The following PDK3 variants were observed in gnomAD, a reference collection of about 807,000 sequenced individuals.
PDK3 encodes the protein pyruvate dehydrogenase kinase 3.
A neutral mutation model predicts 32.0 loss-of-function variants in PDK3; 12 were observed. The ratio of observed to expected loss-of-function variants is 0.37; its 90% CI spans 0.24 to 0.61. The LOEUF (loss-of-function observed/expected upper bound fraction) is 0.61. Ranked by LOEUF, PDK3 falls within the 20% of genes least tolerant of loss-of-function variation. PDK3 has a pLI of 0.65. For synonymous variants in PDK3, 122 were observed against 116.3 expected (o/e 1.05, Z -0.31); for missense variants, 188 against 316.9 (o/e 0.59, Z 3.09).
intron 1 of PDK3, among the ~76,000 whole-genome samples, chrX:24,466,786 T>C (rs953104751): frequency 2.7e-5 from 3 of 112,034 alleles, no homozygotes; most frequent in Admixed American, 9.4e-5. Flanking sequence ...TCCCAAAAGC[T>C]ATTGGTAGTT....
exon 12 of PDK3, chrX:24,546,202 T>A (rs1922993339): frequency 8.9e-6 from 1 of 111,886 alleles, no homozygotes; most frequent in African/African-American, 3.3e-5. Context: ...TGGGGAACTG[T>A]GGTCAGGTGA....
intron 5 of PDK3, among the ~76,000 whole-genome samples, chrX:24,511,948 G>A (rs770076922): frequency 9.0e-6 from 1 of 111,239 alleles, no homozygotes; most frequent in Admixed American, 9.5e-5. Flanking sequence ...AAACTCCCAT[G>A]TAGAAGAGTA....
chrX:24,506,273 C>T (rs978207364), intron 5 of PDK3, among the ~76,000 whole-genome samples: 1 of 111,649 alleles, frequency 9.0e-6, no homozygotes, highest in African/African-American at 3.3e-5. Flanking sequence ...CCAGCCTCAG[C>T]TCTAGGAATC....
At chrX:24,502,105 T>C (rs1440427889) in intron 3 of PDK3, among the ~76,000 whole-genome samples, 1 of 111,940 alleles carries the variant, frequency 8.9e-6, no homozygotes, top group Non-Finnish European at 1.9e-5. Context: ...CATAGTCATA[T>C]CATTTGTTTC....
chrX:24,528,639 A>G (rs914499896), intron 9 of PDK3, among the ~76,000 whole-genome samples: 9 of 113,151 alleles, frequency 8.0e-5, no homozygotes, highest in African/African-American at 2.6e-4. Context: ...AAATTTGTTT[A>G]TATAATTAAA....
rs1356075616 is a variant in PDK3 at position 24,533,983 on chromosome X, C to T, written c.1132C>T (p.Arg378Cys). 5.8e-6 allele frequency: 7 copies of T among 1,207,752 alleles called. No homozygotes were observed. The highest frequency in any genetic ancestry group is 7.8e-6 in the Non-Finnish European group (7 of 893,791). Residue 378 changes from arginine to cysteine, a missense_variant, in exon 11 of 11, where the codon CGC becomes TGC. Arg to Cys is a radical substitution (Grantham distance 180). Transcript: ENST00000379162. ...TCCAGTTTTTAATAAGTCCGCATGG[C>T]GCCATTACAAGACCACGCCTGAAGC... ...RLPVFNKSAW[R>C]HYKTTPEADD...
At chrX:24,506,787 T>C (rs1393536078) in intron 5 of PDK3, among the ~76,000 whole-genome samples, 1 of 102,289 alleles carries the variant, frequency 9.8e-6, no homozygotes, top group Non-Finnish European at 2.0e-5. Flanking sequence ...GTAGAACATT[T>C]TGTTTTTTTC....
At chrX:24,503,758 C>A (rs1010268890) in intron 4 of PDK3, among the ~76,000 whole-genome samples, 1 of 112,504 alleles carries the variant, frequency 8.9e-6, no homozygotes, top group Non-Finnish European at 1.9e-5. Flanking sequence ...TTTTAAGTCT[C>A]TGCTGATACA....
chrX:24,467,805 GAGAGGGCC>G lies in PDK3; in HGVS notation c.106+2246_106+2253del, dbSNP rs750921099. 2.7e-5 allele frequency among the ~76,000 whole-genome samples: 3 copies of G among 111,815 alleles called. No homozygotes were observed. In the East Asian group the frequency reaches 8.4e-4, roughly 31 times the overall value. On this transcript the variant is annotated intron_variant, in intron 1 of 10. Transcript: ENST00000379162. ...CCTGTATGATTAGAGAAAACTGCAG[GAGAGGGCC>G]AACTCAGGCACTTAAAGCACCAGGT...
chrX:24,477,446 A>G (rs760117942), intron 1 of PDK3, among the ~76,000 whole-genome samples: 2 of 112,063 alleles, frequency 1.8e-5, no homozygotes, highest in South Asian at 3.7e-4. Flanking sequence ...TAATTATCAA[A>G]GTATAAAACT....
intron 10 of PDK3, 38 bp from the exon 11 acceptor site, chrX:24,533,891 C>G (rs755968294): frequency 3.5e-6 from 4 of 1,146,661 alleles, no homozygotes; most frequent in Non-Finnish European, 4.7e-6. Flanking sequence ...AAAAATGACA[C>G]TGTCGACCTT....
At chrX:24,517,918 T>G (rs943325908) in intron 5 of PDK3, among the ~76,000 whole-genome samples, 2 of 112,217 alleles carry the variant, frequency 1.8e-5, no homozygotes, top group African/African-American at 6.5e-5. Flanking sequence ...AATCTATTCA[T>G]TCAGCAAATA....
intron 6 of PDK3, among the ~76,000 whole-genome samples, chrX:24,523,626 G>A (rs753096011): frequency 8.9e-6 from 1 of 112,489 alleles, no homozygotes; most frequent in Admixed American, 9.4e-5. Context: ...TACTCTGGCC[G>A]GGTTCAGCCT....
rs148615852 is a variant in PDK3, at chrX:24,520,660, C to T, written c.673+1650C>T. Among the ~76,000 whole-genome samples, 31 of 112,346 alleles carry T rather than the reference C, an allele frequency of 2.8e-4. No individual in the cohort carries two copies. In the East Asian group the frequency reaches 8.7e-3, roughly 31 times the overall value. On this transcript the variant is annotated intron_variant, in intron 6 of 10. Coordinates refer to ENST00000379162, the MANE Select transcript of PDK3 (RefSeq NM_005391.5). ...AAAGGGAAATCCCCCACAACTTTCT[C>T]AGTCCCATATAGAGCTTTGGTTTTT...
chrX:24,478,966 T>C (rs1212635555), intron 1 of PDK3, among the ~76,000 whole-genome samples: 2 of 112,365 alleles, frequency 1.8e-5, no homozygotes, highest in Non-Finnish European at 3.8e-5. Flanking sequence ...TGAAGTTAAA[T>C]ATTTTGCCAT....
chrX:24,474,693 C>T (rs1457461288), intron 1 of PDK3, among the ~76,000 whole-genome samples: 3 of 111,624 alleles, frequency 2.7e-5, no homozygotes, highest in Non-Finnish European at 3.8e-5. Context: ...GGATTACAGA[C>T]GTGAGCCACT....
chrX:24,533,011 G>C (rs1218485005), intron 10 of PDK3, among the ~76,000 whole-genome samples: 1 of 111,228 alleles, frequency 9.0e-6, no homozygotes, highest in Non-Finnish European at 1.9e-5. Flanking sequence ...CCAGATTTCA[G>C]ATTTTCAGAT....
chrX:24,487,513 T>A (rs779845120), intron 1 of PDK3, among the ~76,000 whole-genome samples: 27 of 112,106 alleles, frequency 2.4e-4, no homozygotes, highest in African/African-American at 3.2e-4. Flanking sequence ...AAATTTTTTT[T>A]AAAAAGCTTA....
At position 24,494,803 on chromosome X, in the gene PDK3, G is replaced by T; in HGVS notation, c.168G>T (p.Arg56=). 5.8e-6 allele frequency: 7 copies of T among 1,196,887 alleles called. No individual in the cohort carries two copies. Among genetic ancestry groups the T allele is most frequent in the Non-Finnish European group, 5.7e-6 (5 of 883,323 alleles). ...TTCTACGAAAGGAACTTCCTGTGCG[G>T]CTGGCTAACACAATGAGAGAAGTTA... The part of the protein sequence containing the change: ...YMFLRKELPV[R]LANTMREVNL... The change falls in exon 2 of 11, where the codon CGG becomes CGT. Residue 56 remains arginine (R), a synonymous_variant. Transcript: ENST00000379162.
Sources: allele counts gnomAD v4.1 joint callset (sites outside exome capture counted in the v4.1 genomes callset), GRCh38; gene constraint gnomAD v4.1.1; transcripts MANE v1.5; gene names NCBI Gene and HGNC (gene_info 2026-07-23, HGNC 2026-07-21).